Variants in ARHGAP31 observed in about 807,000 individuals in gnomAD.
ARHGAP31 encodes the protein Rho GTPase activating protein 31, also known as rho GTPase-activating protein 31.
A neutral mutation model predicts 113.9 loss-of-function variants in ARHGAP31; 34 were observed. That is an observed-to-expected ratio of 0.30 (90% CI 0.23 to 0.40). The LOEUF is 0.40. ARHGAP31 is among the 10% of genes least tolerant of loss of function. The pLI, the probability that ARHGAP31 is intolerant of heterozygous loss-of-function variation, is 1.00. For synonymous variants in ARHGAP31, 650 were observed against 684.8 expected, an observed-to-expected ratio of 0.95 and a Z score of 0.79; for missense variants, 1,548 against 1,767.1, an observed-to-expected ratio of 0.88 and a Z score of 2.22.
At chr3:119,392,053 C>T (rs901983336) in intron 7 of ARHGAP31, among the ~76,000 whole-genome samples, 2 of 152,162 alleles carry the variant, frequency 1.3e-5, no homozygotes, top group African/African-American at 4.8e-5. Context: ...CAAAGGTACG[C>T]TACCCTATAA....
In ARHGAP31 at chr3:119,367,995, C is replaced by T. The variant is rs573174253; in HGVS notation, c.204-377C>T. Among the ~76,000 whole-genome samples the T allele has an allele frequency of 1.3e-3, 199 of 152,210 alleles. 1 individual carries two copies. Among genetic ancestry groups the T allele is most frequent in the African/African-American group, 4.3e-3 (177 of 41,542 alleles). On this transcript the variant is annotated intron_variant, in intron 2 of 11. Coordinates refer to ENST00000264245, the MANE Select transcript of ARHGAP31 (RefSeq NM_020754.4). ...ACCTGACCTACCCTAGTTTCGGTCT[C>T]TCCTGTAAGAAAGGGAAATTCATTT...
rs112153915 is a variant in ARHGAP31, at chr3:119,325,672, G to A, written c.100+30668G>A. Among the ~76,000 whole-genome samples the A allele has an allele frequency of 3.7e-3, 558 of 151,812 alleles. 3 individuals are homozygous for A. The highest frequency in any genetic ancestry group is 0.013 in the African/African-American group (535 of 41,320). The stretch of plus-strand genomic sequence containing the variant: ...ATGGCGGGGGTTGGGGGGGAAGGGG[G>A]GGACGGAAATGACTTAGCCTGAAGG... On this transcript the variant is annotated intron_variant, in intron 1 of 11. Transcript: ENST00000264245.
intron 6 of ARHGAP31, among the ~76,000 whole-genome samples, chr3:119,386,023 G>C (rs1466700220): frequency 6.6e-6 from 1 of 152,088 alleles, no homozygotes; most frequent in Non-Finnish European, 1.5e-5. Context: ...TTTTTGTCCT[G>C]CATATTAAAA....
chr3:119,414,859 A>C lies in ARHGAP31; in HGVS notation c.2930A>C (p.Asn977Thr), dbSNP rs758222743. 1.9e-6 allele frequency: 3 copies of C among 1,614,104 alleles called. No homozygotes were observed. The highest frequency in any genetic ancestry group is 2.2e-5 in the South Asian group (2 of 91,088). ...LEVPSSSSCA[N>T]LETERNSDPL... ...GTTCCCTCCTCCAGCAGCTGTGCTA[A>C]TCTTGAAACAGAGAGGAATTCTGAC... Residue 977 changes from asparagine (N) to threonine (T), a missense_variant, in exon 12 of 12, where the codon AAT (asparagine) becomes ACT (threonine). Transcript: ENST00000264245.
chr3:119,334,757 C>G (rs2079928013), intron 1 of ARHGAP31, among the ~76,000 whole-genome samples: 1 of 152,230 alleles, frequency 6.6e-6, no homozygotes, highest in African/African-American at 2.4e-5. Flanking sequence ...AAGCACTTTA[C>G]AAGCGTGCAT....
intron 1 of ARHGAP31, among the ~76,000 whole-genome samples, chr3:119,319,193 T>A (rs1348130065): frequency 6.6e-6 from 1 of 150,838 alleles, no homozygotes; most frequent in Non-Finnish European, 1.5e-5. Context: ...ATGGGTGCTA[T>A]GAGATAAAAG....
intron 1 of ARHGAP31, among the ~76,000 whole-genome samples, chr3:119,355,595 T>C (rs913821466): frequency 1.3e-5 from 2 of 152,046 alleles, no homozygotes; most frequent in Non-Finnish European, 2.9e-5. Context: ...CATTAACTCG[T>C]CATTTGCATT....
chr3:119,415,697 A>C lies in ARHGAP31; in HGVS notation c.3768A>C (p.Glu1256Asp). ...PAKDDSPSSL[E>D]SSKEEKPKQD... ...AAGATGATTCTCCCTCCTCCCTGGA[A>C]AGCTCAAAGGAAGAAAAACCAAAGC... The change falls in exon 12 of 12, where the codon GAA (glutamate) becomes GAC (aspartate). Residue 1256 changes from glutamate to aspartate, a missense_variant. Glu to Asp is a conservative substitution (Grantham distance 45). Coordinates refer to ENST00000264245, the MANE Select transcript of ARHGAP31 (RefSeq NM_020754.4). The C allele has an allele frequency of 6.2e-7, 1 of 1,614,030 alleles. No individual in the cohort carries two copies. Among genetic ancestry groups the C allele is most frequent in the Non-Finnish European group, 8.5e-7 (1 of 1,179,982 alleles).
chr3:119,317,985 C>G (rs1475428832), intron 1 of ARHGAP31, among the ~76,000 whole-genome samples: 1 of 152,076 alleles, frequency 6.6e-6, no homozygotes, highest in Non-Finnish European at 1.5e-5. Context: ...GCTGAAGAGT[C>G]CTGTCAGTTT....
chr3:119,383,657 C>A (rs554213284), intron 6 of ARHGAP31, among the ~76,000 whole-genome samples: 48 of 152,278 alleles, frequency 3.2e-4, no homozygotes, highest in Non-Finnish European at 4.6e-4. Flanking sequence ...CTTAGAGGAA[C>A]AAGTTAAGAG....
chr3:119,315,576 C>T (rs1292617139), intron 1 of ARHGAP31, among the ~76,000 whole-genome samples: 2 of 152,232 alleles, frequency 1.3e-5, no homozygotes, highest in South Asian at 2.1e-4. Flanking sequence ...CCGCTGCCAC[C>T]TCTTAAGGCC....
intron 1 of ARHGAP31, among the ~76,000 whole-genome samples, chr3:119,335,515 GC>G (rs1257118427): frequency 6.6e-6 from 1 of 152,184 alleles, no homozygotes; most frequent in Non-Finnish European, 1.5e-5. Context: ...CTGTGGAAAT[GC>G]GTTCTCCTTG....
intron 6 of ARHGAP31, among the ~76,000 whole-genome samples, chr3:119,385,071 C>A (rs1165697419): frequency 6.6e-6 from 1 of 151,824 alleles, no homozygotes; most frequent in East Asian, 1.9e-4. Context: ...ATTACAGGTG[C>A]CCAACACCAC....
At chr3:119,296,509 C>T (rs1371024505) in intron 1 of ARHGAP31, among the ~76,000 whole-genome samples, 2 of 152,188 alleles carry the variant, frequency 1.3e-5, no homozygotes, top group Non-Finnish European at 2.9e-5. Flanking sequence ...AAGTTAACCT[C>T]CAGGTACACT....
intron 1 of ARHGAP31, 74 bp downstream of exon 1, chr3:119,295,078 G>T (rs1165652045): frequency 2.1e-6 from 3 of 1,402,216 alleles, no homozygotes; most frequent in Non-Finnish European, 3.0e-6. Context: ...CTCTCGAGTT[G>T]TGATAGAGTC....
chr3:119,338,142 T>A (rs569883475), intron 1 of ARHGAP31, among the ~76,000 whole-genome samples: 29 of 152,328 alleles, frequency 1.9e-4, no homozygotes, highest in African/African-American at 6.5e-4. Context: ...CATGGATTGG[T>A]ACATTTTCAT....
chr3:119,380,466 G>A (rs2080386529), intron 3 of ARHGAP31, among the ~76,000 whole-genome samples: 1 of 151,968 alleles, frequency 6.6e-6, no homozygotes, highest in Admixed American at 6.6e-5. Context: ...CGCTAGACTA[G>A]ATCCAAACTC....
intron 1 of ARHGAP31, among the ~76,000 whole-genome samples, chr3:119,317,330 C>CA (rs1026305573): frequency 1.3e-5 from 2 of 152,232 alleles, no homozygotes; most frequent in South Asian, 2.1e-4. Context: ...AGGCGCCCAC[C>CA]ACCATGTCCG....
intron 11 of ARHGAP31, 118 bp from the exon 12 acceptor site, chr3:119,413,738 T>A: frequency 7.2e-7 from 1 of 1,389,766 alleles, no homozygotes; most frequent in Non-Finnish European, 1.0e-6. Context: ...TGCTGCATCC[T>A]GTATTTGCTG....
Sources: gnomAD v4.1 joint callset for allele counts (sites outside exome capture counted in the v4.1 genomes callset) on GRCh38, gnomAD v4.1.1 for gene constraint, MANE v1.5 for transcripts, NCBI Gene and HGNC (gene_info 2026-07-23, HGNC 2026-07-21) for gene names.